Variants in PDE4B observed in about 807,000 individuals in gnomAD.
PDE4B encodes 3',5'-cyclic-AMP phosphodiesterase 4B.
In PDE4B, 20 loss-of-function variants were observed where a neutral mutation model predicts 82.2. The observed-to-expected ratio is 0.24, with a 90% confidence interval of 0.17 to 0.35. The LOEUF (loss-of-function observed/expected upper bound fraction) is 0.35, where lower values mean the gene tolerates loss of function less well. Ranked by LOEUF, PDE4B falls within the 10% of genes least tolerant of loss-of-function variation. The pLI is 1.00. For missense variants in PDE4B, 655 were observed against 907.2 expected (o/e 0.72, Z 3.57); for synonymous variants, 320 against 318.9 (o/e 1.00, Z -0.04).
chr1:65,813,893 CAA>C (rs5774766), intron 1 of PDE4B, among the ~76,000 whole-genome samples: 25,972 of 104,108 alleles, frequency 0.25, 2,092 homozygotes, highest in Admixed American at 0.34. Flanking sequence ...GGCACTGCGG[CAA>C]AAAAAAAAAA....
chr1:66,331,223 A>G (rs1660082620), intron 7 of PDE4B, among the ~76,000 whole-genome samples: 1 of 152,210 alleles, frequency 6.6e-6, no homozygotes, highest in Admixed American at 6.5e-5. Context: ...TGTCTTTTAA[A>G]TATGGCAGGA....
At position 66,149,372 on chromosome 1, in the gene PDE4B, T is replaced by C. The variant is rs995232068; in HGVS notation, c.282-98088T>C. 5.3e-5 allele frequency among the ~76,000 whole-genome samples: 8 copies of C among 152,358 alleles called. No individual in the cohort carries two copies. The East Asian group carries it at 1.5e-3, about 29-fold the overall frequency. ...CACAAGTATGTCTGATTATTGATTATATAATTTGCAAATATTTTCTCCTAT... is the reference window on the plus strand; with the variant it reads ...CACAAGTATGTCTGATTATTGATTACATAATTTGCAAATATTTTCTCCTAT... On this transcript the variant is annotated intron_variant, in intron 3 of 16. Coordinates refer to ENST00000341517, the MANE Select transcript of PDE4B (RefSeq NM_002600.4).
intron 1 of PDE4B, among the ~76,000 whole-genome samples, chr1:65,830,943 A>G (rs1023405440): frequency 6.6e-6 from 1 of 152,130 alleles, no homozygotes; most frequent in Non-Finnish European, 1.5e-5. Context: ...CTTTTCTGTC[A>G]GCCTAAATTT....
chr1:66,324,304 C>T (rs924917661), intron 7 of PDE4B, among the ~76,000 whole-genome samples: 4 of 151,982 alleles, frequency 2.6e-5, no homozygotes, highest in African/African-American at 9.7e-5. Context: ...CCTTCATTCT[C>T]CCTCCTTTTC....
intron 3 of PDE4B, chr1:66,112,759 T>C (rs1428061690): frequency 6.6e-6 from 1 of 152,220 alleles, no homozygotes; most frequent in Non-Finnish European, 1.5e-5. Context: ...TAATTTTAAA[T>C]TGTTTTTCAG....
At chr1:66,226,148 G>T (rs1389422383) in intron 3 of PDE4B, among the ~76,000 whole-genome samples, 1 of 152,110 alleles carries the variant, frequency 6.6e-6, no homozygotes, top group African/African-American at 2.4e-5. Context: ...ATTTTTTAAA[G>T]CTGAGCATGC....
intron 7 of PDE4B, among the ~76,000 whole-genome samples, chr1:66,268,755 G>A (rs1655249228): frequency 1.3e-5 from 2 of 151,576 alleles, no homozygotes; most frequent in South Asian, 4.2e-4. Context: ...TCCAGCCAAG[G>A]TTCTTATCAG....
intron 7 of PDE4B, among the ~76,000 whole-genome samples, chr1:66,304,030 G>C (rs1192966253): frequency 6.6e-6 from 1 of 152,132 alleles, no homozygotes; most frequent in Non-Finnish European, 1.5e-5. Context: ...TAGATGATGA[G>C]CAAGACCTAG....
At chr1:66,048,874 A>G (rs1418300867) in intron 3 of PDE4B, 8 of 151,988 alleles carry the variant, frequency 5.3e-5, no homozygotes, top group African/African-American at 1.7e-4. Context: ...TAAGTGAGTG[A>G]TGGATGAAGT....
chr1:65,834,493 A>C lies in PDE4B; in HGVS notation c.-71+41245A>C, dbSNP rs148178537. 2.2e-3 allele frequency among the ~76,000 whole-genome samples: 338 copies of C among 152,292 alleles called. 1 individual carries two copies. The highest frequency in any genetic ancestry group is 7.6e-3 in the African/African-American group (316 of 41,572). On this transcript the variant is annotated intron_variant, in intron 1 of 16. Transcript: ENST00000341517. ...ATGAAGGATTTTAAGGTTCACGTCT[A>C]TATGCAATGTAGAATTTTAAGAATG...
chr1:66,069,566 C>G (rs1056865645), intron 3 of PDE4B, among the ~76,000 whole-genome samples: 1 of 151,802 alleles, frequency 6.6e-6, no homozygotes, highest in Non-Finnish European at 1.5e-5. Flanking sequence ...TCTGTCTTTC[C>G]CAGTAGAGGT....
chr1:66,195,374 T>G (rs1648208360), intron 3 of PDE4B, among the ~76,000 whole-genome samples: 2 of 152,288 alleles, frequency 1.3e-5, no homozygotes, highest in Middle Eastern at 3.4e-3. Context: ...GCTTCATTTA[T>G]TAACAACATG....
chr1:66,113,688 G>A (rs879463944), intron 3 of PDE4B, among the ~76,000 whole-genome samples: 6 of 152,122 alleles, frequency 3.9e-5, no homozygotes, highest in African/African-American at 7.2e-5. Flanking sequence ...TCTCCTTTAA[G>A]ATATGCAAAG....
At chr1:65,874,343 T>C (rs912134144) in intron 1 of PDE4B, among the ~76,000 whole-genome samples, 1 of 152,168 alleles carries the variant, frequency 6.6e-6, no homozygotes, top group Non-Finnish European at 1.5e-5. Context: ...TTTCTAGATA[T>C]ACAATCATGT....
chr1:66,191,628 C>G (rs1019710960), intron 3 of PDE4B, among the ~76,000 whole-genome samples: 1 of 152,076 alleles, frequency 6.6e-6, no homozygotes, highest in African/African-American at 2.4e-5. Flanking sequence ...AATCTACATG[C>G]AAGTGGAAGG....
chr1:66,083,188 A>C (rs6668688), intron 3 of PDE4B, among the ~76,000 whole-genome samples: 114,149 of 151,950 alleles, frequency 0.75, 43,772 homozygotes, highest in Non-Finnish European at 0.84. Flanking sequence ...TCTTTAAACA[A>C]TGCTTTCATC....
chr1:66,077,699 A>T (rs932453015), intron 3 of PDE4B, among the ~76,000 whole-genome samples: 3 of 152,110 alleles, frequency 2.0e-5, no homozygotes, highest in Non-Finnish European at 2.9e-5. Flanking sequence ...CTTCTGAGAG[A>T]TATTAATTTA....
At chr1:66,061,225 A>G (rs934381652) in intron 3 of PDE4B, among the ~76,000 whole-genome samples, 2 of 149,784 alleles carry the variant, frequency 1.3e-5, no homozygotes, top group Non-Finnish European at 3.0e-5. Flanking sequence ...GAAGGATTAA[A>G]TAATGTGACT....
intron 3 of PDE4B, among the ~76,000 whole-genome samples, chr1:65,997,842 A>C (rs1165029809): frequency 1.3e-5 from 2 of 152,208 alleles, no homozygotes; most frequent in Non-Finnish European, 1.5e-5. Flanking sequence ...GAATAATGCT[A>C]CTGAAGCATG....
Sources: gnomAD v4.1 joint callset for allele counts (sites outside exome capture counted in the v4.1 genomes callset) on GRCh38, gnomAD v4.1.1 for gene constraint, MANE v1.5 for transcripts, NCBI Gene and HGNC (gene_info 2026-07-23, HGNC 2026-07-21) for gene names.